FER: variants seen among roughly 807,000 people sequenced by gnomAD.
FER encodes the protein tyrosine-protein kinase Fer.
Under a neutral mutation model 111.0 loss-of-function variants are expected in FER, and 63 were observed. That is an observed-to-expected ratio of 0.57 (90% CI 0.46 to 0.70). FER has a LOEUF of 0.70. Ranked by LOEUF, FER falls within the 30% of genes least tolerant of loss-of-function variation. FER has a pLI of 0.00. For synonymous variants in FER, 327 were observed against 313.9 expected (o/e 1.04, Z -0.44); for missense variants, 914 against 954.0 (o/e 0.96, Z 0.55).
At position 109,190,581 on chromosome 5, in the gene FER, A is replaced by G. The variant is rs1259153099; in HGVS notation, c.*3006A>G. ...AAACCTAAAATTAATTTTGCATTCC[A>G]TGTAATCTAAGGCCAAAGCCAACAT... On this transcript the variant is annotated 3_prime_UTR_variant, in exon 20 of 20. Transcript: ENST00000281092. 1 of 152,144 alleles carries G rather than the reference A, an allele frequency of 6.6e-6. No homozygotes were observed. Among genetic ancestry groups the G allele is most frequent in the Non-Finnish European group, 1.5e-5 (1 of 68,006 alleles). 9.4% of individuals were successfully genotyped at this position (152,144 alleles called of 1,614,324 possible).
chr5:109,125,045 C>CAAAA (rs373849561), intron 17 of FER, among the ~76,000 whole-genome samples: 8,835 of 75,068 alleles, frequency 0.12, 355 homozygotes, highest in Non-Finnish European at 0.16. Context: ...GACTCTGTCT[C>CAAAA]AAAAAAAAAA....
At chr5:109,082,237 GT>G (rs1349070167) in intron 16 of FER, among the ~76,000 whole-genome samples, 1 of 152,098 alleles carries the variant, frequency 6.6e-6, no homozygotes, top group East Asian at 1.9e-4. Flanking sequence ...GAGACATTTT[GT>G]GAGATGGCTA....
intron 3 of FER, among the ~76,000 whole-genome samples, chr5:108,809,917 A>G (rs1182674457): frequency 6.6e-6 from 1 of 152,186 alleles, no homozygotes; most frequent in African/African-American, 2.4e-5. Context: ...GTTACAGACC[A>G]TTGCTGGAGA....
intron 16 of FER, among the ~76,000 whole-genome samples, chr5:109,091,354 T>A (rs1746723568): frequency 6.6e-6 from 1 of 152,160 alleles, no homozygotes; most frequent in African/African-American, 2.4e-5. Context: ...TGGGCCCAGG[T>A]GCTGTCCTCT....
At chr5:109,163,354 T>C (rs1756202105) in intron 17 of FER, among the ~76,000 whole-genome samples, 1 of 152,268 alleles carries the variant, frequency 6.6e-6, no homozygotes, top group East Asian at 1.9e-4. Context: ...TGAATAGTCA[T>C]ATGTAAGTCT....
At chr5:109,091,455 A>G (rs980218705) in intron 16 of FER, among the ~76,000 whole-genome samples, 5 of 152,196 alleles carry the variant, frequency 3.3e-5, no homozygotes, top group African/African-American at 1.2e-4. Flanking sequence ...GGATGCCTCC[A>G]CCCAGATTCC....
At chr5:108,910,357 C>T (rs1751371649) in intron 10 of FER, among the ~76,000 whole-genome samples, 2 of 152,232 alleles carry the variant, frequency 1.3e-5, no homozygotes, top group South Asian at 4.1e-4. Flanking sequence ...ATAGTGGTCT[C>T]AACAAGAATG....
At chr5:108,774,020 C>G (rs1185680972) in intron 2 of FER, among the ~76,000 whole-genome samples, 1 of 151,874 alleles carries the variant, frequency 6.6e-6, no homozygotes, top group Non-Finnish European at 1.5e-5. Context: ...TTTGCCGCAC[C>G]TATTGACCCA....
intron 13 of FER, among the ~76,000 whole-genome samples, chr5:109,008,411 A>C (rs1448436589): frequency 6.6e-6 from 1 of 152,038 alleles, no homozygotes; most frequent in Non-Finnish European, 1.5e-5. Flanking sequence ...TTAGTCAGGG[A>C]CTTGCTTCCT....
In FER at chr5:108,897,845, T is replaced by G; in HGVS notation, c.1233T>G (p.Ser411=). The change falls in exon 10 of 20, where the codon TCT becomes TCG. Residue 411 remains serine, a synonymous_variant. Transcript: ENST00000281092. ...AAGAAGATGCACGATCAGTTACATC[T>G]ATGGTAAGCTAAAGAATAATCCAAT... ...NYEEDARSVT[S]MERKERLSKF... is the part of the protein sequence containing the mutation. 1 of 1,606,098 alleles carries G rather than the reference T, an allele frequency of 6.2e-7. No homozygotes were observed. Among genetic ancestry groups the G allele is most frequent in the Non-Finnish European group, 8.5e-7 (1 of 1,177,008 alleles).
chr5:109,061,722 T>G (rs1028429384), intron 16 of FER, among the ~76,000 whole-genome samples: 2 of 152,196 alleles, frequency 1.3e-5, no homozygotes, highest in African/African-American at 2.4e-5. Context: ...TTGAGTTTCT[T>G]TTTTCTCTAC....
intron 5 of FER, among the ~76,000 whole-genome samples, chr5:108,839,812 C>T (rs145664327): frequency 2.0e-5 from 3 of 151,980 alleles, no homozygotes; most frequent in African/African-American, 7.3e-5. Flanking sequence ...CTCCTGACTT[C>T]GTGATCCGCC....
At chr5:108,920,735 C>T (rs914963046) in intron 10 of FER, among the ~76,000 whole-genome samples, 16 of 152,164 alleles carry the variant, frequency 1.1e-4, no homozygotes, top group African/African-American at 3.6e-4. Context: ...TGTTCCCTTG[C>T]CCTTTGTAAA....
chr5:108,845,632 C>G (rs1160832755), intron 5 of FER, among the ~76,000 whole-genome samples: 2 of 151,480 alleles, frequency 1.3e-5, no homozygotes, highest in East Asian at 3.9e-4. Context: ...GCCTAATTGC[C>G]CTGGCTAGAT....
intron 2 of FER, among the ~76,000 whole-genome samples, chr5:108,782,082 A>C (rs540748376): frequency 6.6e-6 from 1 of 152,114 alleles, no homozygotes; most frequent in Non-Finnish European, 1.5e-5. Flanking sequence ...TGTCAATTAC[A>C]GTTCAGTTTT....
rs116195818 is a variant in FER at position 109,015,166 on chromosome 5, A to T, written c.1657-22256A>T. ...TTGATAAGCCCCTTGTTTCTAGCACATAGTAATATGGCTTTTTTATTAAAG... is the reference window on the plus strand; with the variant it reads ...TTGATAAGCCCCTTGTTTCTAGCACTTAGTAATATGGCTTTTTTATTAAAG... On this transcript the variant is annotated intron_variant, in intron 13 of 19. Coordinates refer to ENST00000281092, the MANE Select transcript of FER (RefSeq NM_005246.4). 3.2e-3 allele frequency among the ~76,000 whole-genome samples: 493 copies of T among 152,220 alleles called. 3 individuals are homozygous for T. The highest frequency in any genetic ancestry group is 0.011 in the African/African-American group (465 of 41,542).
intron 1 of FER, among the ~76,000 whole-genome samples, chr5:108,753,883 A>T (rs943802232): frequency 2.6e-5 from 4 of 152,186 alleles, no homozygotes; most frequent in Non-Finnish European, 4.4e-5. Flanking sequence ...ATATGGTCTC[A>T]TCCAGCAGTA....
At chr5:108,792,660 T>G (rs1755511793) in intron 2 of FER, among the ~76,000 whole-genome samples, 1 of 152,014 alleles carries the variant, frequency 6.6e-6, no homozygotes, top group Admixed American at 6.6e-5. Context: ...CAACAGTGTC[T>G]TAAGCTTACA....
chr5:108,986,145 TGG>T (rs1365894843), intron 13 of FER, among the ~76,000 whole-genome samples: 7 of 151,572 alleles, frequency 4.6e-5, no homozygotes, highest in African/African-American at 1.7e-4. Context: ...AGGAGTAAGG[TGG>T]TATCACATTG....
Sources: allele counts gnomAD v4.1 joint callset (sites outside exome capture counted in the v4.1 genomes callset), GRCh38; gene constraint gnomAD v4.1.1; transcripts MANE v1.5; gene names NCBI Gene and HGNC (gene_info 2026-07-23, HGNC 2026-07-21).